The following CEP164 variants were observed in gnomAD, a reference collection of about 807,000 sequenced individuals.
CEP164 encodes the protein centrosomal protein 164, also known as centrosomal protein of 164 kDa.
A neutral mutation model predicts 182.7 loss-of-function variants in CEP164; 162 were observed. The ratio of observed to expected loss-of-function variants is 0.89; its 90% CI spans 0.78 to 1.01. The LOEUF (loss-of-function observed/expected upper bound fraction) is 1.01. CEP164 is among the 50% of genes least tolerant of loss of function. The pLI is 0.00. For synonymous variants in CEP164, 661 were observed against 690.0 expected, an observed-to-expected ratio of 0.96 and a Z score of 0.66; for missense variants, 1,735 against 1,790.4, an observed-to-expected ratio of 0.97 and a Z score of 0.56.
intron 1 of CEP164, among the ~76,000 whole-genome samples, chr11:117,334,865 C>A (rs2036815373): frequency 6.6e-6 from 1 of 151,626 alleles, no homozygotes; most frequent in South Asian, 2.1e-4. Context: ...ACAGAGACTA[C>A]CTGTCCTGTG....
chr11:117,409,937 G>T lies in CEP164; in HGVS notation c.4068G>T (p.Leu1356=). 1 of 1,614,180 alleles carries T rather than the reference G, an allele frequency of 6.2e-7. No individual in the cohort carries two copies. Among genetic ancestry groups the T allele is most frequent in the Non-Finnish European group, 8.5e-7 (1 of 1,180,036 alleles). Residue 1356 remains leucine, a synonymous_variant, in exon 30 of 33, where the codon CTG becomes CTT. Coordinates refer to ENST00000278935, the MANE Select transcript of CEP164 (RefSeq NM_014956.5). This position sits in a 1 kb window ranked among gnomAD's most constrained non-coding sequence, Gnocchi z 4.4. ...TGGCTCAAACGGTGGACGACTTCCT[G>T]TTGGAGAAGTGGCGCAAGTATTTTC... The part of the protein sequence containing the change: ...SSVAQTVDDF[L]LEKWRKYFPS...
At chr11:117,378,443 C>G (rs1046039928) in intron 11 of CEP164, among the ~76,000 whole-genome samples, 1 of 152,244 alleles carries the variant, frequency 6.6e-6, no homozygotes, top group South Asian at 2.1e-4. Context: ...AGGCACTTGA[C>G]TTATTTCTGA....
chr11:117,368,060 A>G (rs2041834091), intron 8 of CEP164, among the ~76,000 whole-genome samples: 1 of 152,230 alleles, frequency 6.6e-6, no homozygotes, highest in Non-Finnish European at 1.5e-5. Flanking sequence ...TTTGGTCAAC[A>G]AACCTTTACT....
At chr11:117,388,624 A>AAAATGAAGGGATTGGACTT (rs2044222327) in intron 15 of CEP164, among the ~76,000 whole-genome samples, 2 of 152,130 alleles carry the variant, frequency 1.3e-5, no homozygotes, top group African/African-American at 2.4e-5. Flanking sequence ...CTTTCACTGT[A>AAAATGAAGGGATTGGACTT]AAATGAAGGG....
intron 27 of CEP164, among the ~76,000 whole-genome samples, chr11:117,404,188 T>A (rs760126798): frequency 1.3e-5 from 2 of 152,154 alleles, no homozygotes; most frequent in Non-Finnish European, 2.9e-5. Flanking sequence ...TCCAGTTTTG[T>A]TCCCTTGCTG....
chr11:117,410,927 C>T (rs1330514742), intron 31 of CEP164, 33 bp downstream of exon 31: 7 of 1,594,920 alleles, frequency 4.4e-6, no homozygotes, highest in Non-Finnish European at 6.0e-6. Context: ...TGGGGTGGAA[C>T]GTCATAGTCG....
upstream of CEP164, chr11:117,323,860 T>C: frequency 2.4e-6 from 1 of 420,066 alleles, no homozygotes; most frequent in Non-Finnish European, 4.9e-6. Context: ...TTGAACATTT[T>C]TTCACGTACC....
chr11:117,324,207 G>A (rs1027494538), upstream of CEP164, among the ~76,000 whole-genome samples: 8 of 152,132 alleles, frequency 5.3e-5, no homozygotes, highest in South Asian at 2.1e-4. Flanking sequence ...AGCATTTTGG[G>A]AGGCCAAGGC....
chr11:117,367,040 A>T (rs548951134), intron 8 of CEP164, among the ~76,000 whole-genome samples: 1 of 152,332 alleles, frequency 6.6e-6, no homozygotes, highest in East Asian at 1.9e-4. Context: ...GGATGAGCTG[A>T]GGGCAACGCT....
intron 1 of CEP164, among the ~76,000 whole-genome samples, chr11:117,333,040 T>A (rs1309218410): frequency 6.6e-6 from 1 of 152,134 alleles, no homozygotes; most frequent in Non-Finnish European, 1.5e-5. Context: ...TAGAGACAGG[T>A]CTTGCCCTGT....
intron 13 of CEP164, among the ~76,000 whole-genome samples, chr11:117,382,192 T>G (rs1005898346): frequency 2.6e-5 from 4 of 152,146 alleles, no homozygotes; most frequent in Admixed American, 1.3e-4. Context: ...TGCAAGGGGC[T>G]GGAGCAGAGA....
intron 3 of CEP164, 104 bp from the exon 4 acceptor site, chr11:117,344,062 C>T (rs982517130): frequency 1.9e-4 from 125 of 646,582 alleles, no homozygotes; most frequent in East Asian, 1.2e-3. Context: ...TTAAAGAATA[C>T]GATTTTCTCA....
chr11:117,373,847 G>A lies in CEP164; in HGVS notation c.1233+16G>A, dbSNP rs1239348323. On this transcript the variant is annotated intron_variant, in intron 10 of 32. Transcript: ENST00000278935. ...CCATGGCCTGGTGAGTTTGAGATGAGGGCAGTAGAGTGGTGGTGAAGAGCA... is the reference window on the plus strand; with the variant it reads ...CCATGGCCTGGTGAGTTTGAGATGAAGGCAGTAGAGTGGTGGTGAAGAGCA... 1.9e-6 allele frequency: 3 copies of A among 1,607,566 alleles called. No homozygotes were observed. The highest frequency in any genetic ancestry group is 2.6e-6 in the Non-Finnish European group (3 of 1,174,240).
chr11:117,409,811 C>CCCCCT lies in CEP164; in HGVS notation c.3942_3943insCCCCT (p.Tyr1315ProfsTer100). On this transcript the variant is annotated frameshift_variant, in exon 30 of 33. Coordinates refer to ENST00000278935, the MANE Select transcript of CEP164 (RefSeq NM_014956.5). LOFTEE classifies it high-confidence loss of function. This position sits in a 1 kb window ranked among gnomAD's most constrained non-coding sequence, Gnocchi z 4.4. ...CTAAGAGCACCCCCACCCCCACCTA[C>CCCCCT]TATGGCTCCCTGGCCAGGTTCTCAG... 1 of 1,595,748 alleles carries CCCCCT rather than the reference C, an allele frequency of 6.3e-7. No individual in the cohort carries two copies. Among genetic ancestry groups the CCCCCT allele is most frequent in the Non-Finnish European group, 8.6e-7 (1 of 1,168,078 alleles).
At position 117,381,766 on chromosome 11, in the gene CEP164, A is replaced by G. The variant is rs1439692957; in HGVS notation, c.1475A>G (p.Glu492Gly). The change falls in exon 13 of 33, where the codon GAA (glutamate) becomes GGA (glycine). Residue 492 changes from glutamate to glycine, a missense_variant. Coordinates refer to ENST00000278935, the MANE Select transcript of CEP164 (RefSeq NM_014956.5). ...CCCCCTCGCAGCCTGGCCACTGAAG[A>G]AGAGCCTCCCCAGGGCCCCGAGGGG... ...QSPPRSLATEEEPPQGPEGQP... is the reference protein window; with the variant it reads ...QSPPRSLATEGEPPQGPEGQP... 1 of 1,606,676 alleles carries G rather than the reference A, an allele frequency of 6.2e-7. No homozygotes were observed. The highest frequency in any genetic ancestry group is 8.5e-7 in the Non-Finnish European group (1 of 1,176,644).
chr11:117,355,211 G>C (rs1254829435), intron 5 of CEP164: 3 of 1,289,832 alleles, frequency 2.3e-6, no homozygotes, highest in Non-Finnish European at 3.0e-6. Flanking sequence ...CAGGGCCCCA[G>C]CCCAATGCAG....
chr11:117,381,662 G>A, intron 12 of CEP164, 39 bp from the exon 13 acceptor site: 1 of 1,583,116 alleles, frequency 6.3e-7, no homozygotes, highest in Non-Finnish European at 8.6e-7. Context: ...CTCTCCAAAT[G>A]GAGGGGCCTG....
upstream of CEP164, among the ~76,000 whole-genome samples, chr11:117,326,881 G>T (rs1286424695): frequency 6.6e-6 from 1 of 152,168 alleles, no homozygotes; most frequent in African/African-American, 2.4e-5. Flanking sequence ...TCCTATTGAT[G>T]TAATGGCCAG....
chr11:117,324,258 C>A (rs562119867), upstream of CEP164, among the ~76,000 whole-genome samples: 32 of 152,058 alleles, frequency 2.1e-4, no homozygotes, highest in African/African-American at 7.7e-4. Flanking sequence ...ACCAGCCTGG[C>A]CAACATGATG....
Sources: gnomAD v4.1 joint callset for allele counts (sites outside exome capture counted in the v4.1 genomes callset) on GRCh38, gnomAD v4.1.1 for gene constraint, Gnocchi (gnomAD v3.1) non-coding constraint, MANE v1.5 for transcripts, NCBI Gene and HGNC (gene_info 2026-07-23, HGNC 2026-07-21) for gene names.